IQCK: variants seen among roughly 807,000 people sequenced by gnomAD.
IQCK encodes the protein IQ motif containing K, also known as IQ domain-containing protein K.
In IQCK, 29 loss-of-function variants were observed where a neutral mutation model predicts 28.1. That is an observed-to-expected ratio of 1.03 (90% CI 0.77 to 1.41). The LOEUF (loss-of-function observed/expected upper bound fraction) is 1.41. Ranked by LOEUF, IQCK falls within the 40% of genes most tolerant of loss-of-function variation. IQCK has a pLI of 0.00. For missense variants in IQCK, 359 were observed against 314.7 expected (o/e 1.14, Z -1.07); for synonymous variants, 113 against 115.1 (o/e 0.98, Z 0.12).
chr16:19,776,238 A>G, intron 6 of IQCK, among the ~76,000 whole-genome samples: 1 of 152,124 alleles, frequency 6.6e-6, no homozygotes, highest in Non-Finnish European at 1.5e-5. Flanking sequence ...TTTGCCCAGG[A>G]TCTCAAGCCA....
chr16:19,723,823 G>A (rs189745269), intron 1 of IQCK, among the ~76,000 whole-genome samples: 1 of 152,226 alleles, frequency 6.6e-6, no homozygotes, highest in Non-Finnish European at 1.5e-5. Flanking sequence ...AGCCAGGCAT[G>A]GCAGTGTGCA....
At chr16:19,744,908 T>C (rs765410372) in intron 4 of IQCK, among the ~76,000 whole-genome samples, 68 of 152,200 alleles carry the variant, frequency 4.5e-4, no homozygotes, top group Non-Finnish European at 8.7e-4. Context: ...TGTACAGACA[T>C]TTCCTGTGTG....
At chr16:19,726,242 A>G (rs1487367241) in intron 1 of IQCK, among the ~76,000 whole-genome samples, 1 of 152,212 alleles carries the variant, frequency 6.6e-6, no homozygotes, top group Non-Finnish European at 1.5e-5. Flanking sequence ...TCACTGGAAA[A>G]ATATGATAGC....
At chr16:19,754,910 C>T (rs1252014906) in intron 4 of IQCK, among the ~76,000 whole-genome samples, 1 of 152,152 alleles carries the variant, frequency 6.6e-6, no homozygotes, top group Admixed American at 6.5e-5. Flanking sequence ...AGCCAAAACA[C>T]TTTCTGAAAT....
intron 4 of IQCK, chr16:19,736,238 G>C: frequency 6.8e-6 from 3 of 444,382 alleles, no homozygotes; most frequent in Admixed American, 2.5e-5. Context: ...CAGAGAATCA[G>C]CTTCTCTGCA....
chr16:19,773,235 C>T (rs2055341961), intron 6 of IQCK, among the ~76,000 whole-genome samples: 1 of 152,046 alleles, frequency 6.6e-6, no homozygotes, highest in South Asian at 2.1e-4. Flanking sequence ...GAAAATGGCC[C>T]TGGGGAAAGG....
intron 6 of IQCK, 67 bp downstream of exon 6, chr16:19,764,179 TC>T: frequency 5.3e-6 from 7 of 1,326,312 alleles, no homozygotes; most frequent in Non-Finnish European, 7.4e-6. Context: ...ATACTTTTCT[TC>T]CATCTAAGAG....
At chr16:19,846,489 T>C (rs1410895376) in intron 9 of IQCK, among the ~76,000 whole-genome samples, 3 of 152,222 alleles carry the variant, frequency 2.0e-5, no homozygotes, top group African/African-American at 7.2e-5. Context: ...TAACCAATGT[T>C]GCCACTCCCA....
At chr16:19,836,404 A>G (rs981116634) in intron 9 of IQCK, among the ~76,000 whole-genome samples, 4 of 152,224 alleles carry the variant, frequency 2.6e-5, no homozygotes, top group African/African-American at 9.6e-5. Context: ...AAGTCTGCAC[A>G]GCTATGACAT....
intron 6 of IQCK, among the ~76,000 whole-genome samples, chr16:19,765,453 G>A (rs530346703): frequency 1.3e-5 from 2 of 151,922 alleles, no homozygotes; most frequent in Admixed American, 6.6e-5. Context: ...CAGGAGTATC[G>A]CTTGAACCCG....
At chr16:19,804,681 C>T (rs1040044318) in intron 7 of IQCK, among the ~76,000 whole-genome samples, 2 of 152,050 alleles carry the variant, frequency 1.3e-5, no homozygotes, top group South Asian at 2.1e-4. Flanking sequence ...CCACTCCCTC[C>T]GCCTCCCAAA....
chr16:19,849,699 C>A (rs1018326138), intron 9 of IQCK, among the ~76,000 whole-genome samples: 1 of 151,196 alleles, frequency 6.6e-6, no homozygotes, highest in Non-Finnish European at 1.5e-5. Flanking sequence ...GAAGTCAAGA[C>A]TGCAGTGAGC....
chr16:19,739,814 CA>C (rs34132517), intron 4 of IQCK, among the ~76,000 whole-genome samples: 66 of 144,020 alleles, frequency 4.6e-4, no homozygotes, highest in Middle Eastern at 3.6e-3. Context: ...GACCCTGTCT[CA>C]AAAAAAAAAA....
chr16:19,750,470 G>GTT (rs146214291), intron 4 of IQCK, among the ~76,000 whole-genome samples: 10 of 141,238 alleles, frequency 7.1e-5, no homozygotes, highest in African/African-American at 2.1e-4. Context: ...GTTTGTTTTT[G>GTT]TTTTTTTTTG....
rs1316893942 is a variant in IQCK, at chr16:19,825,140, G to A, written c.691-1886G>A. ...ATTCCAGCTCCACCATATCCAGTAC[G>A]ACTTGGCAAGCCACTAAAACTCAGT... is the stretch of plus-strand genomic sequence containing the variant. On this transcript the variant is annotated intron_variant, in intron 7 of 7. Coordinates refer to ENST00000564186, the Ensembl canonical transcript of IQCK. This position sits in a 1 kb window ranked among gnomAD's most constrained non-coding sequence, Gnocchi z 4.2. 1.3e-5 allele frequency among the ~76,000 whole-genome samples: 2 copies of A among 152,076 alleles called. No homozygotes were observed. The highest frequency in any genetic ancestry group is 2.1e-4 in the South Asian group (1 of 4,822).
rs923426139 is a variant in IQCK, at chr16:19,730,329, G to T, written c.182-101G>T. 4 of 874,998 alleles carry T rather than the reference G, an allele frequency of 4.6e-6. No homozygotes were observed. In the South Asian group the frequency reaches 8.2e-5, roughly 18 times the overall value. 54.2% of individuals were successfully genotyped at this position (874,998 alleles called of 1,614,324 possible). On this transcript the variant is annotated intron_variant, in intron 1 of 7. Coordinates refer to ENST00000564186, the Ensembl canonical transcript of IQCK. Reference sequence around the variant, plus strand: ...GTTTTTTCATTTCTGTACACCACCAGCCAAAATAAAATTTAAGAATGTTTT... The same window carrying T: ...GTTTTTTCATTTCTGTACACCACCATCCAAAATAAAATTTAAGAATGTTTT...
chr16:19,772,456 T>A (rs1218030544), intron 6 of IQCK, among the ~76,000 whole-genome samples: 1 of 152,088 alleles, frequency 6.6e-6, no homozygotes, highest in Non-Finnish European at 1.5e-5. Context: ...AATTAAAAAA[T>A]TATTATTTAA....
chr16:19,822,067 C>CAAAAAAAAAAAAAAAAAA (rs35060834), intron 7 of IQCK, among the ~76,000 whole-genome samples: 1 of 64,624 alleles, frequency 1.5e-5, no homozygotes, highest in Non-Finnish European at 3.2e-5. Flanking sequence ...GACCCTGTCT[C>CAAAAAAAAAAAAAAAAAA]AAAAAAAAAA....
At chr16:19,744,922 A>G (rs1055249816) in intron 4 of IQCK, among the ~76,000 whole-genome samples, 5 of 152,254 alleles carry the variant, frequency 3.3e-5, no homozygotes, top group African/African-American at 1.2e-4. Context: ...CTGTGTGTAT[A>G]GCGATTTATG....
Sources: allele counts gnomAD v4.1 joint callset (sites outside exome capture counted in the v4.1 genomes callset), GRCh38; gene constraint gnomAD v4.1.1; non-coding constraint Gnocchi (gnomAD v3.1); transcripts MANE v1.5; gene names NCBI Gene and HGNC (gene_info 2026-07-23, HGNC 2026-07-21).